PECR: variants seen among roughly 807,000 people sequenced by gnomAD.
The protein encoded by PECR is 2,4-dienoyl-CoA reductase-related protein.
A neutral mutation model predicts 35.3 loss-of-function variants in PECR; 30 were observed. The observed-to-expected ratio is 0.85, with a 90% CI of 0.64 to 1.15. The LOEUF is 1.15. Ranked by LOEUF, PECR falls within the 50% of genes most tolerant of loss-of-function variation. PECR has a pLI of 0.00. For synonymous variants in PECR, 148 were observed against 138.9 expected, an observed-to-expected ratio of 1.07 and a Z score of -0.46; for missense variants, 392 against 370.8, an observed-to-expected ratio of 1.06 and a Z score of -0.47.
intron 6 of PECR, among the ~76,000 whole-genome samples, chr2:216,044,537 G>A (rs1161720624): frequency 1.3e-5 from 2 of 152,050 alleles, no homozygotes; most frequent in Non-Finnish European, 2.9e-5. Context: ...CTCTCTACAA[G>A]AGGAACTTCA....
chr2:216,059,320 G>A (rs963298645), intron 3 of PECR, among the ~76,000 whole-genome samples: 3 of 152,108 alleles, frequency 2.0e-5, no homozygotes, highest in African/African-American at 7.2e-5. Flanking sequence ...TTACCTTTTC[G>A]AAAATCTAAT....
In PECR at chr2:216,074,667, T is replaced by C. The variant is rs528637760; in HGVS notation, c.124+6951A>G. Reference sequence around the variant, plus strand: ...TATAAATAGGATGATTCACATGGATTATCTAAATAGAAGTTTACTAAATTA... The same window carrying C: ...TATAAATAGGATGATTCACATGGATCATCTAAATAGAAGTTTACTAAATTA... On this transcript the variant is annotated intron_variant, in intron 1 of 7. Coordinates refer to ENST00000265322, the MANE Select transcript of PECR (RefSeq NM_018441.6). Among the ~76,000 whole-genome samples, 28 of 152,324 alleles carry C rather than the reference T, an allele frequency of 1.8e-4. 2 individuals carry two copies. The South Asian group carries it at 5.8e-3, about 32-fold the overall frequency.
intron 6 of PECR, among the ~76,000 whole-genome samples, chr2:216,047,120 T>G (rs1695011182): frequency 6.6e-6 from 1 of 152,034 alleles, no homozygotes; most frequent in Admixed American, 6.5e-5. Flanking sequence ...TAGCCAGGTG[T>G]GGTGGCGCAT....
chr2:216,076,742 G>A (rs959251992), intron 1 of PECR, among the ~76,000 whole-genome samples: 1 of 151,992 alleles, frequency 6.6e-6, no homozygotes, highest in Admixed American at 6.5e-5. Flanking sequence ...AGAGGTTGCA[G>A]TGAGCTGCTG....
chr2:216,069,734 G>A (rs112033583), intron 1 of PECR, among the ~76,000 whole-genome samples: 13,958 of 151,994 alleles, frequency 0.092, 1,104 homozygotes, highest in African/African-American at 0.22. Flanking sequence ...TCAGCAGTTC[G>A]AGACCAGCTT....
At chr2:216,074,860 T>C (rs995147702) in intron 1 of PECR, among the ~76,000 whole-genome samples, 7 of 152,214 alleles carry the variant, frequency 4.6e-5, no homozygotes, top group African/African-American at 1.7e-4. Flanking sequence ...AACAATGCAA[T>C]GCTGGGTAAA....
chr2:216,071,845 T>C (rs940579698), intron 1 of PECR, among the ~76,000 whole-genome samples: 6 of 152,164 alleles, frequency 3.9e-5, no homozygotes, highest in Non-Finnish European at 8.8e-5. Context: ...TCCCTTCAGG[T>C]CTCTGTTTGT....
intron 7 of PECR, among the ~76,000 whole-genome samples, chr2:216,043,164 G>A (rs1694929292): frequency 6.6e-6 from 1 of 150,446 alleles, no homozygotes; most frequent in Non-Finnish European, 1.5e-5. Flanking sequence ...CTAGAGTGCA[G>A]TGGCACAATC....
At chr2:216,042,948 T>C in intron 7 of PECR, among the ~76,000 whole-genome samples, 1 of 130,472 alleles carries the variant, frequency 7.7e-6, no homozygotes, top group African/African-American at 2.8e-5. Flanking sequence ...CATACGTATA[T>C]GTGTATATAT....
At chr2:216,074,027 A>G (rs574996152) in intron 1 of PECR, among the ~76,000 whole-genome samples, 51 of 152,220 alleles carry the variant, frequency 3.4e-4, no homozygotes, top group Non-Finnish European at 6.9e-4. Flanking sequence ...GAGAGAAATA[A>G]GCACCCCAGG....
intron 1 of PECR, among the ~76,000 whole-genome samples, chr2:216,078,447 G>A (rs373549000): frequency 1.3e-5 from 2 of 152,088 alleles, no homozygotes; most frequent in African/African-American, 2.4e-5. Context: ...CCTGGCCAAC[G>A]TGGTAAAACC....
intron 3 of PECR, among the ~76,000 whole-genome samples, chr2:216,065,037 T>C (rs542869256): frequency 6.6e-6 from 1 of 152,338 alleles, no homozygotes; most frequent in Admixed American, 6.5e-5. Context: ...TTTTCTCCAA[T>C]TTTATGAACA....
At chr2:216,030,521 C>A (rs1260785352) in intron 7 of PECR, among the ~76,000 whole-genome samples, 2 of 151,944 alleles carry the variant, frequency 1.3e-5, no homozygotes, top group Non-Finnish European at 2.9e-5. Flanking sequence ...CTAATAAATG[C>A]TAGCTATTGT....
intron 1 of PECR, among the ~76,000 whole-genome samples, chr2:216,070,409 T>G (rs1009477199): frequency 1.3e-5 from 2 of 152,224 alleles, no homozygotes; most frequent in Non-Finnish European, 2.9e-5. Context: ...TTATTCCTCC[T>G]GTCTAAATGA....
At chr2:216,066,319 C>T (rs1243520692) in intron 2 of PECR, 66 bp downstream of exon 2, 1 of 1,357,190 alleles carries the variant, frequency 7.4e-7, no homozygotes, top group African/African-American at 1.4e-5. Flanking sequence ...GAAGCATAGC[C>T]AGGTTTAAGA....
chr2:216,067,291 T>A (rs906828856), intron 1 of PECR, among the ~76,000 whole-genome samples: 5 of 151,942 alleles, frequency 3.3e-5, no homozygotes. Context: ...TGGGAATAAA[T>A]CAAAGAGGAA....
intron 1 of PECR, among the ~76,000 whole-genome samples, chr2:216,077,711 G>A (rs1382695397): frequency 3.3e-5 from 5 of 151,166 alleles, no homozygotes; most frequent in Non-Finnish European, 4.4e-5. Context: ...GGAGGCTGAG[G>A]CAGAAGAATC....
intron 7 of PECR, among the ~76,000 whole-genome samples, chr2:216,043,039 G>GTA (rs571788458): frequency 1.1e-4 from 10 of 89,696 alleles, no homozygotes; most frequent in South Asian, 3.4e-4. Flanking sequence ...ATATGTATGT[G>GTA]TATATATATA....
intron 6 of PECR, among the ~76,000 whole-genome samples, chr2:216,048,312 T>C (rs1163003107): frequency 6.7e-6 from 1 of 149,482 alleles, no homozygotes; most frequent in Non-Finnish European, 1.5e-5. Context: ...TCTGAACTCG[T>C]GATCCGCCTG....
Sources: gnomAD v4.1 joint callset for allele counts (sites outside exome capture counted in the v4.1 genomes callset) on GRCh38, gnomAD v4.1.1 for gene constraint, MANE v1.5 for transcripts, NCBI Gene and HGNC (gene_info 2026-07-23, HGNC 2026-07-21) for gene names.